The following SLC2A6 variants were observed in gnomAD, a reference collection of about 807,000 sequenced individuals.
SLC2A6 encodes the protein solute carrier family 2 member 6.
SLC2A6 carries 39 observed loss-of-function variants against 47.8 expected under a neutral mutation model. The ratio of observed to expected loss-of-function variants is 0.82; its 90% CI spans 0.63 to 1.07. The LOEUF (loss-of-function observed/expected upper bound fraction) is 1.07. Among genes scored for constraint, SLC2A6 ranks in the 50% least tolerant of loss-of-function variants. SLC2A6 has a pLI of 0.00. For missense variants in SLC2A6, 650 were observed against 707.6 expected (o/e 0.92, Z 0.92); for synonymous variants, 346 against 324.1 (o/e 1.07, Z -0.73).
chr9:133,475,112 C>T lies in SLC2A6; in HGVS notation c.776G>A (p.Ser259Asn), dbSNP rs587702253. Residue 259 changes from serine to asparagine, a missense_variant and splice_region_variant, in exon 6 of 10, where the codon AGC (serine) becomes AAC (asparagine). Coordinates refer to ENST00000371899, the MANE Select transcript of SLC2A6 (RefSeq NM_017585.4). The stretch of plus-strand genomic sequence containing the variant: ...TGCCTCAGCCCACGATACTCGGCTG[C>T]TCTGAAACACAAGGCCGCCGCTGAG... Reference protein sequence around the residue: ...EQIQDNVRRQSSRVSWAEARA... With the variant: ...EQIQDNVRRQNSRVSWAEARA... 15 of 1,552,488 alleles carry T rather than the reference C, an allele frequency of 9.7e-6. No individual in the cohort carries two copies. In the East Asian group the frequency reaches 3.0e-4, roughly 31 times the overall value.
chr9:133,471,981 G>C lies in SLC2A6; in HGVS notation c.*40C>G, dbSNP rs782179479. On this transcript the variant is annotated 3_prime_UTR_variant, in exon 10 of 10. Coordinates refer to ENST00000371899, the MANE Select transcript of SLC2A6 (RefSeq NM_017585.4). ...GGTTTGTAGCCAACACAGAGGCCCA[G>C]CCACTGGGGGTTTGGCCCCCTCCAG... is the stretch of plus-strand genomic sequence containing the variant. The C allele has an allele frequency of 4.4e-6, 7 of 1,597,666 alleles. No homozygotes were observed. Among genetic ancestry groups the C allele is most frequent in the Non-Finnish European group, 6.0e-6 (7 of 1,169,132 alleles).
rs782314046 is a variant in SLC2A6 at position 133,473,537 on chromosome 9, A to G, written c.1100T>C (p.Leu367Pro). The G allele has an allele frequency of 1.4e-5, 23 of 1,586,890 alleles. No homozygotes were observed. Among genetic ancestry groups the G allele is most frequent in the Non-Finnish European group, 1.9e-5 (22 of 1,168,320 alleles). The change falls in exon 8 of 10, where the codon CTG (leucine) becomes CCG (proline). Residue 367 changes from leucine (L) to proline (P), a missense_variant. Leu to Pro is a moderately conservative substitution (Grantham distance 98). Transcript: ENST00000371899. ...CAGGCCCGCAGTGCTGTTGGGGCTC[A>G]GAGGCCTGGGGCCAAAGTGGATGTA... ...GLYIHFGPRPLSPNSTAGLES... is the reference protein window; with the variant it reads ...GLYIHFGPRPPSPNSTAGLES...
At chr9:133,475,267 C>A (rs1286527905) in intron 5 of SLC2A6, 133 bp downstream of exon 5, 3 of 1,365,438 alleles carry the variant, frequency 2.2e-6, no homozygotes, top group Non-Finnish European at 2.9e-6. Flanking sequence ...GGGAACAGCC[C>A]CCCACCCCAA....
At chr9:133,473,336 C>A (rs1843805695) in intron 8 of SLC2A6, 79 bp downstream of exon 8, 2 of 1,537,920 alleles carry the variant, frequency 1.3e-6, no homozygotes, top group South Asian at 1.2e-5. Flanking sequence ...GGAGACCCCC[C>A]TCTCCAGCCA....
At chr9:133,476,375 T>C in intron 3 of SLC2A6, 39 bp from the exon 4 acceptor site, 1 of 1,571,404 alleles carries the variant, frequency 6.4e-7, no homozygotes, top group Non-Finnish European at 8.8e-7. Flanking sequence ...TTGCTGAAAA[T>C]ACTGGTTCCT....
rs1025033999 is a variant in SLC2A6, at chr9:133,477,086, G to A, written c.411C>T (p.Leu137=). ...CGGCGAAGCCCGTCAGCGTCCTTCC[G>A]AGCAGCAGCATCCAGAGGCCGTGCG... ...AGAHGLWMLL[L]GRTLTGFAGG... Residue 137 remains leucine (L), a synonymous_variant, in exon 3 of 10, where the codon CTC becomes CTT. Coordinates refer to ENST00000371899, the MANE Select transcript of SLC2A6 (RefSeq NM_017585.4). 22 of 1,546,668 alleles carry A rather than the reference G, an allele frequency of 1.4e-5. No homozygotes were observed. Among genetic ancestry groups the A allele is most frequent in the Admixed American group, 2.0e-5 (1 of 50,136 alleles).
At position 133,472,087 on chromosome 9, in the gene SLC2A6, G is replaced by T; in HGVS notation, c.1458C>A (p.Thr486=). 1 of 1,613,422 alleles carries T rather than the reference G, an allele frequency of 6.2e-7. No individual in the cohort carries two copies. Among genetic ancestry groups the T allele is most frequent in the East Asian group, 2.2e-5 (1 of 44,858 alleles). Residue 486 remains threonine, a synonymous_variant, in exon 10 of 10, where the codon ACC becomes ACA. Coordinates refer to ENST00000371899, the MANE Select transcript of SLC2A6 (RefSeq NM_017585.4). ...CGATCTGCTCCAGGGACCGTCCCTT[G>T]GTCTCGGGCACACAGCAGCCTGTGA... is the stretch of plus-strand genomic sequence containing the variant. The part of the protein sequence containing the change: ...LVFTGCCVPE[T]KGRSLEQIES...
intron 9 of SLC2A6, among the ~76,000 whole-genome samples, 161 bp from the exon 10 acceptor site, chr9:133,472,337 G>C (rs1843753519): frequency 6.6e-6 from 1 of 151,382 alleles, no homozygotes; most frequent in South Asian, 2.1e-4. Flanking sequence ...CTCCCCCACT[G>C]TCCCCAGGAC....
At chr9:133,474,372 C>T (rs587719984) in intron 6 of SLC2A6, among the ~76,000 whole-genome samples, 2 of 152,360 alleles carry the variant, frequency 1.3e-5, no homozygotes, top group South Asian at 4.1e-4. Flanking sequence ...CAAATCTCAT[C>T]TCACTTTGAG....
chr9:133,479,074 C>G lies in SLC2A6; in HGVS notation c.-15G>C. The G allele has an allele frequency of 6.3e-7, 1 of 1,576,812 alleles. No individual in the cohort carries two copies. ...GGCTCCTGCATGGCCGGGTCTCTCTCGGGGCGAGCGGAGGGCGCTCAGACT... is the reference window on the plus strand; with the variant it reads ...GGCTCCTGCATGGCCGGGTCTCTCTGGGGGCGAGCGGAGGGCGCTCAGACT... On this transcript the variant is annotated 5_prime_UTR_variant, in exon 1 of 10. Transcript: ENST00000371899.
At chr9:133,472,687 T>C (rs1044305915) in intron 9 of SLC2A6, among the ~76,000 whole-genome samples, 3 of 152,152 alleles carry the variant, frequency 2.0e-5, no homozygotes, top group African/African-American at 4.8e-5. Flanking sequence ...AGATTCTGGC[T>C]GGTCACAGGG....
At position 133,478,879 on chromosome 9, in the gene SLC2A6, G is replaced by A. The variant is rs587620909; in HGVS notation, c.92+89C>T. On this transcript the variant is annotated intron_variant, in intron 1 of 9. Transcript: ENST00000371899. ...CCCCTCGGTGGCGACTAGGTCAGGG[G>A]AGGCCCAGGGCGGGAGCCTGCCGCC... 1.1e-5 allele frequency: 13 copies of A among 1,212,444 alleles called. No individual in the cohort carries two copies. The East Asian group carries it at 2.7e-4, about 25-fold the overall frequency. 75.1% of individuals were successfully genotyped at this position (1,212,444 alleles called of 1,614,324 possible).
chr9:133,476,168 C>T, intron 4 of SLC2A6, 69 bp downstream of exon 4: 1 of 1,220,208 alleles, frequency 8.2e-7, no homozygotes, highest in South Asian at 1.3e-5. Flanking sequence ...TCCCTTTCCA[C>T]CCACGTCTAC....
chr9:133,474,835 C>T, intron 6 of SLC2A6, 126 bp downstream of exon 6: 1 of 963,550 alleles, frequency 1.0e-6, no homozygotes, highest in Non-Finnish European at 1.4e-6. Context: ...ATCCCTGACA[C>T]CTGGCACAGA....
intron 3 of SLC2A6, among the ~76,000 whole-genome samples, chr9:133,476,681 G>A (rs781941502): frequency 3.3e-5 from 5 of 152,198 alleles, no homozygotes; most frequent in Admixed American, 2.6e-4. Flanking sequence ...ACCAGGCCCC[G>A]TGTGGAGTAC....
intron 1 of SLC2A6, 46 bp downstream of exon 1, chr9:133,478,922 G>C (rs1554804102): frequency 6.7e-7 from 1 of 1,498,794 alleles, no homozygotes; most frequent in Admixed American, 2.2e-5. Flanking sequence ...GGGAACCAGG[G>C]CCACCCCCAG....
chr9:133,473,689 T>TG, intron 7 of SLC2A6, 89 bp from the exon 8 acceptor site: 1 of 1,328,432 alleles, frequency 7.5e-7, no homozygotes, highest in South Asian at 1.6e-5. Flanking sequence ...CCTTGATACT[T>TG]GCGTGGTCCA....
In SLC2A6 at chr9:133,474,002, G is replaced by T. The variant is rs1554802481; in HGVS notation, c.1014C>A (p.Arg338=). Residue 338 remains arginine (R), a synonymous_variant, in exon 7 of 10, where the codon CGC becomes CGA. Coordinates refer to ENST00000371899, the MANE Select transcript of SLC2A6 (RefSeq NM_017585.4). ...IAALTMDLAG[R]KVLLFVSAAI... is the part of the protein sequence containing the mutation. ...TACCTGAGACGAAGAGCAGCACCTT[G>T]CGGCCTGCGAGGTCCATGGTGAGGG... 6.2e-7 allele frequency: 1 copy of T among 1,610,292 alleles called. No individual in the cohort carries two copies. The highest frequency in any genetic ancestry group is 1.7e-5 in the Admixed American group (1 of 59,876).
intron 9 of SLC2A6, 39 bp downstream of exon 9, chr9:133,473,062 CAGAG>C (rs782674977): frequency 1.3e-6 from 2 of 1,563,934 alleles, no homozygotes; most frequent in African/African-American, 1.4e-5. Context: ...CCTGGCCAGT[CAGAG>C]AGGGCCTAGG....
Sources: allele counts gnomAD v4.1 joint callset (sites outside exome capture counted in the v4.1 genomes callset), GRCh38; gene constraint gnomAD v4.1.1; transcripts MANE v1.5; gene names NCBI Gene and HGNC (gene_info 2026-07-23, HGNC 2026-07-21).